Variants in NR1H4 observed in about 807,000 individuals in gnomAD.
The protein encoded by NR1H4 is bile acid receptor.
In NR1H4, 23 loss-of-function variants were observed where a neutral mutation model predicts 58.5. The observed-to-expected ratio is 0.39, with a 90% CI of 0.28 to 0.56. NR1H4 has a LOEUF of 0.56. NR1H4 is among the 20% of genes least tolerant of loss of function. NR1H4 has a pLI of 0.58. For synonymous variants in NR1H4, 214 were observed against 198.0 expected, an observed-to-expected ratio of 1.08 and a Z score of -0.68; for missense variants, 487 against 576.9, an observed-to-expected ratio of 0.84 and a Z score of 1.60.
At chr12:100,484,353 C>T (rs1354758385) in intron 1 of NR1H4, among the ~76,000 whole-genome samples, 1 of 152,134 alleles carries the variant, frequency 6.6e-6, no homozygotes, top group African/African-American at 2.4e-5. Context: ...GAGCTCCATA[C>T]GCCATGAACT....
At chr12:100,556,232 C>T (rs1243302549) in intron 9 of NR1H4, among the ~76,000 whole-genome samples, 3 of 152,066 alleles carry the variant, frequency 2.0e-5, no homozygotes, top group Non-Finnish European at 4.4e-5. Context: ...CTTTGAGAGG[C>T]TGAGGCGGGT....
chr12:100,497,047 C>T (rs1255380870), intron 3 of NR1H4, among the ~76,000 whole-genome samples: 3 of 151,848 alleles, frequency 2.0e-5, no homozygotes, highest in East Asian at 1.9e-4. Context: ...AGGGAGTGGG[C>T]GATGCAACAG....
At chr12:100,537,099 C>T (rs1469844026) in intron 8 of NR1H4, 52 bp downstream of exon 8, 6 of 1,084,526 alleles carry the variant, frequency 5.5e-6, no homozygotes, top group South Asian at 1.3e-5. Context: ...AAATATGTGC[C>T]CACAGATTAG....
intron 4 of NR1H4, among the ~76,000 whole-genome samples, chr12:100,517,418 G>T (rs1954296296): frequency 6.6e-6 from 1 of 151,956 alleles, no homozygotes; most frequent in South Asian, 2.1e-4. Context: ...ACATTTTCTT[G>T]ATCCAGTCAT....
At chr12:100,484,112 A>G (rs12319630) in intron 1 of NR1H4, among the ~76,000 whole-genome samples, 4,693 of 152,240 alleles carry the variant, frequency 0.031, 245 homozygotes, top group African/African-American at 0.11. Context: ...AATGGATTAC[A>G]TAGATATCCA....
At chr12:100,505,774 T>C (rs1953945133) in intron 3 of NR1H4, 4 of 526,356 alleles carry the variant, frequency 7.6e-6, no homozygotes, top group Non-Finnish European at 1.3e-5. Context: ...AAATTTACCT[T>C]TTCAGAAAGC....
chr12:100,493,477 G>C, intron 3 of NR1H4, 75 bp downstream of exon 3: 1 of 761,064 alleles, frequency 1.3e-6, no homozygotes, highest in Non-Finnish European at 2.3e-6. Context: ...ATGCCTAGAT[G>C]ATGAGTCCAG....
chr12:100,498,557 G>C (rs1309596763), intron 3 of NR1H4, among the ~76,000 whole-genome samples: 6 of 151,850 alleles, frequency 4.0e-5, no homozygotes, highest in Non-Finnish European at 8.8e-5. Context: ...AGAATCGCTT[G>C]AACCCAGGAG....
chr12:100,540,516 C>G (rs920336150), intron 8 of NR1H4, among the ~76,000 whole-genome samples, 156 bp from the exon 9 acceptor site: 1 of 152,180 alleles, frequency 6.6e-6, no homozygotes, highest in Non-Finnish European at 1.5e-5. Context: ...AGATAAAAGC[C>G]TCTATTTTAT....
chr12:100,497,216 G>A (rs1293292407), intron 3 of NR1H4, among the ~76,000 whole-genome samples: 4 of 152,082 alleles, frequency 2.6e-5, no homozygotes, highest in Non-Finnish European at 5.9e-5. Flanking sequence ...TTGGTTGAGC[G>A]TCACCCCAGG....
chr12:100,493,369 A>G lies in NR1H4; in HGVS notation c.46A>G (p.Thr16Ala). The G allele has an allele frequency of 1.3e-6, 2 of 1,576,108 alleles. No individual in the cohort carries two copies. Among genetic ancestry groups the G allele is most frequent in the Non-Finnish European group, 1.7e-6 (2 of 1,150,574 alleles). ...CATTGAACATTCCCATTTACCTACC[A>G]CAGATGAATTTTCTTTTTCTGAAAA... ...NLIEHSHLPT[T>A]DEFSFSENLF... The change falls in exon 3 of 11, where the codon ACA (threonine) becomes GCA (alanine). Residue 16 changes from threonine to alanine, a missense_variant. By Grantham distance (58) the Thr-to-Ala change is moderately conservative. Coordinates refer to ENST00000392986, the MANE Select transcript of NR1H4 (RefSeq NM_001206979.2).
chr12:100,494,130 G>T (rs144013783), intron 3 of NR1H4, among the ~76,000 whole-genome samples: 1 of 152,078 alleles, frequency 6.6e-6, no homozygotes, highest in Non-Finnish European at 1.5e-5. Flanking sequence ...TTCACCCTCC[G>T]TTAATATATG....
chr12:100,502,028 G>T (rs1298990002), intron 3 of NR1H4, among the ~76,000 whole-genome samples: 2 of 152,106 alleles, frequency 1.3e-5, no homozygotes, highest in African/African-American at 4.8e-5. Context: ...GCAACCCAAG[G>T]TACAACATGA....
rs113911091 is a variant in NR1H4 at position 100,491,642 on chromosome 12, G to A, written c.-189-861G>A. On this transcript the variant is annotated intron_variant, in intron 1 of 10. Transcript: ENST00000392986. Reference sequence around the variant, plus strand: ...AGAATGGATTTTCTCCCACCAAGCCGCTTATATTAATGGATAGTAGAGTTT... The same window carrying A: ...AGAATGGATTTTCTCCCACCAAGCCACTTATATTAATGGATAGTAGAGTTT... Among the ~76,000 whole-genome samples, 34 of 151,758 alleles carry A rather than the reference G, an allele frequency of 2.2e-4. 1 individual carries two copies. The highest frequency in any genetic ancestry group is 7.5e-4 in the African/African-American group (31 of 41,368).
chr12:100,545,929 T>G (rs76981885), intron 9 of NR1H4, among the ~76,000 whole-genome samples: 17,965 of 151,954 alleles, frequency 0.12, 3,292 homozygotes, highest in African/African-American at 0.4. Context: ...CCTGTGAAAG[T>G]GGAGCAGGAA....
At chr12:100,562,401 T>G (rs1254270380) in intron 10 of NR1H4, among the ~76,000 whole-genome samples, 1 of 152,086 alleles carries the variant, frequency 6.6e-6, no homozygotes, top group Non-Finnish European at 1.5e-5. Flanking sequence ...ACAAAAATGG[T>G]ATTTTAATTT....
chr12:100,509,890 T>G (rs1954061656), intron 3 of NR1H4, among the ~76,000 whole-genome samples: 1 of 151,884 alleles, frequency 6.6e-6, no homozygotes, highest in Admixed American at 6.6e-5. Context: ...TGCAGAAATT[T>G]GTCTTTGCAC....
chr12:100,489,203 T>A (rs1443583638), intron 1 of NR1H4, among the ~76,000 whole-genome samples: 2 of 152,212 alleles, frequency 1.3e-5, no homozygotes, highest in African/African-American at 4.8e-5. Flanking sequence ...ATGAGATGTA[T>A]TTAATTAAGT....
chr12:100,548,110 G>A (rs548275391), intron 9 of NR1H4, among the ~76,000 whole-genome samples: 1 of 149,964 alleles, frequency 6.7e-6, no homozygotes, highest in Non-Finnish European at 1.5e-5. Flanking sequence ...GCTCACACCT[G>A]TAATCCCAGC....
Sources: gnomAD v4.1 joint callset for allele counts (sites outside exome capture counted in the v4.1 genomes callset) on GRCh38, gnomAD v4.1.1 for gene constraint, MANE v1.5 for transcripts, NCBI Gene and HGNC (gene_info 2026-07-23, HGNC 2026-07-21) for gene names.